FHIT: variants seen among roughly 807,000 people sequenced by gnomAD.
The protein encoded by FHIT is fragile histidine triad diadenosine triphosphatase.
A neutral mutation model predicts 17.9 loss-of-function variants in FHIT; 19 were observed. The ratio of observed to expected loss-of-function variants is 1.06; its 90% CI spans 0.74 to 1.56. The LOEUF is 1.56. Among genes scored for constraint, FHIT ranks in the 40% most tolerant of loss-of-function variants. The pLI is 0.00. For missense variants in FHIT, 248 were observed against 189.2 expected, an observed-to-expected ratio of 1.31 and a Z score of -1.82; for synonymous variants, 81 against 69.7, an observed-to-expected ratio of 1.16 and a Z score of -0.81.
At chr3:60,244,923 T>C (rs1180120918) in intron 5 of FHIT, among the ~76,000 whole-genome samples, 1 of 152,076 alleles carries the variant, frequency 6.6e-6, no homozygotes, top group Non-Finnish European at 1.5e-5. Context: ...AAAAACTGTA[T>C]CATAAAAAAT....
intron 1 of FHIT, among the ~76,000 whole-genome samples, chr3:61,245,131 G>A (rs1054435990): frequency 5.9e-5 from 9 of 152,150 alleles, no homozygotes; most frequent in African/African-American, 1.9e-4. Context: ...GATAAACAAG[G>A]AAACAGAGCA....
intron 4 of FHIT, among the ~76,000 whole-genome samples, chr3:60,708,030 T>G (rs1416885413): frequency 6.6e-6 from 1 of 152,238 alleles, no homozygotes; most frequent in Non-Finnish European, 1.5e-5. Context: ...GTATTATAAA[T>G]AATGCTCCAG....
intron 5 of FHIT, among the ~76,000 whole-genome samples, chr3:60,225,412 G>A (rs555010404): frequency 4.3e-4 from 66 of 152,312 alleles, no homozygotes; most frequent in African/African-American, 1.5e-3. Flanking sequence ...AGAAGACAGA[G>A]TATCTGTACC....
chr3:60,155,355 C>T (rs1700636476), intron 5 of FHIT, among the ~76,000 whole-genome samples: 1 of 152,114 alleles, frequency 6.6e-6, no homozygotes, highest in Non-Finnish European at 1.5e-5. Context: ...AGATCCTGAA[C>T]CAAACACAGC....
At chr3:60,914,230 A>ATT (rs1223001150) in intron 3 of FHIT, among the ~76,000 whole-genome samples, 2 of 152,202 alleles carry the variant, frequency 1.3e-5, no homozygotes, top group Non-Finnish European at 2.9e-5. Flanking sequence ...TTAAGACATG[A>ATT]TATCTCCCAT....
At chr3:60,340,521 G>C (rs2106897194) in intron 5 of FHIT, among the ~76,000 whole-genome samples, 1 of 152,250 alleles carries the variant, frequency 6.6e-6, no homozygotes, top group South Asian at 2.1e-4. Flanking sequence ...GGGAGGACTT[G>C]AACTTCAGAC....
chr3:61,035,615 G>A (rs965697391), intron 3 of FHIT, among the ~76,000 whole-genome samples: 91 of 152,150 alleles, frequency 6.0e-4, no homozygotes, highest in African/African-American at 2.1e-3. Context: ...TGGTAATCTC[G>A]GGAGAAATTA....
chr3:60,041,243 C>T (rs368689167), intron 5 of FHIT, among the ~76,000 whole-genome samples: 15 of 152,312 alleles, frequency 9.8e-5, no homozygotes, highest in African/African-American at 3.6e-4. Flanking sequence ...CTCTCACTTG[C>T]ACAGGGGGCA....
At chr3:60,724,608 T>C (rs1553708845) in intron 4 of FHIT, among the ~76,000 whole-genome samples, 1 of 151,918 alleles carries the variant, frequency 6.6e-6, no homozygotes, top group Non-Finnish European at 1.5e-5. Flanking sequence ...AGAGTTCTAA[T>C]TTCTCCACAT....
intron 5 of FHIT, among the ~76,000 whole-genome samples, chr3:60,310,980 T>C (rs562734339): frequency 9.2e-5 from 14 of 152,172 alleles, no homozygotes; most frequent in African/African-American, 3.1e-4. Flanking sequence ...AAACTAAAGA[T>C]ATTCTTTTCC....
intron 5 of FHIT, among the ~76,000 whole-genome samples, chr3:60,384,704 C>G (rs566522554): frequency 4.2e-4 from 59 of 140,270 alleles, no homozygotes; most frequent in African/African-American, 1.5e-3. Flanking sequence ...ATTACAAAAT[C>G]TTAAAACAAC....
chr3:60,090,513 A>G (rs571598722), intron 5 of FHIT, among the ~76,000 whole-genome samples: 11 of 152,326 alleles, frequency 7.2e-5, no homozygotes, highest in Admixed American at 7.2e-4. Context: ...AGAAAAAGTA[A>G]TCACCTTTGA....
At chr3:61,124,587 A>C (rs996567370) in intron 2 of FHIT, among the ~76,000 whole-genome samples, 1 of 152,196 alleles carries the variant, frequency 6.6e-6, no homozygotes, top group African/African-American at 2.4e-5. Context: ...AAAAATAAGT[A>C]CAAGCTAGCT....
intron 7 of FHIT, among the ~76,000 whole-genome samples, chr3:59,987,005 TAAAAAATA>T (rs1347357094): frequency 8.0e-6 from 1 of 124,986 alleles, no homozygotes; most frequent in African/African-American, 3.0e-5. Context: ...TTATATATAT[TAAAAAATA>T]AAAAAATAAA....
At position 60,417,622 on chromosome 3, in the gene FHIT, T is replaced by A. The variant is rs1431451174; in HGVS notation, c.103+119238A>T. Among the ~76,000 whole-genome samples the A allele has an allele frequency of 4.6e-5, 7 of 152,118 alleles. No homozygotes were observed. The East Asian group carries it at 1.4e-3, about 29-fold the overall frequency. The stretch of plus-strand genomic sequence containing the variant: ...GTGTTTTTATACTGAATGTCATCAT[T>A]CTCAATGATCAGGAGGCAGATGACA... On this transcript the variant is annotated intron_variant, in intron 5 of 9. Transcript: ENST00000492590.
rs200934161 is a variant in FHIT at position 60,226,493 on chromosome 3, A to AAAAAAAAAAAC, written c.104-212342_104-212341insGTTTTTTTTTT. On this transcript the variant is annotated intron_variant, in intron 5 of 9. Coordinates refer to ENST00000492590, the MANE Select transcript of FHIT (RefSeq NM_002012.4). Reference sequence around the variant, plus strand: ...GTCTCAAAAAAAAAAAAAAAAAAAAAACACTGCCTGCCTGCACTATACTAA... The same window carrying AAAAAAAAAAAC: ...GTCTCAAAAAAAAAAAAAAAAAAAAAAAAAAAAAAACACACTGCCTGCCTGCACTATACTAA... Among the ~76,000 whole-genome samples, 85 of 147,118 alleles carry AAAAAAAAAAAC rather than the reference A, an allele frequency of 5.8e-4. 3 individuals carry two copies. Among genetic ancestry groups the AAAAAAAAAAAC allele is most frequent in the African/African-American group, 1.9e-3 (70 of 37,756 alleles).
intron 4 of FHIT, among the ~76,000 whole-genome samples, chr3:60,547,201 G>T (rs568311659): frequency 3.3e-5 from 5 of 152,108 alleles, no homozygotes. Flanking sequence ...ATAAAGACTA[G>T]ATGTACCAAT....
intron 5 of FHIT, among the ~76,000 whole-genome samples, chr3:60,166,886 T>C (rs1701200768): frequency 6.6e-6 from 1 of 152,170 alleles, no homozygotes; most frequent in Non-Finnish European, 1.5e-5. Context: ...AGCAAGGGCC[T>C]TCAGAAACTA....
At chr3:60,253,118 C>A (rs1422455359) in intron 5 of FHIT, among the ~76,000 whole-genome samples, 1 of 152,140 alleles carries the variant, frequency 6.6e-6, no homozygotes, top group African/African-American at 2.4e-5. Context: ...CTGAAGTATT[C>A]ATTGCTACTT....
Sources: gnomAD v4.1 joint callset for allele counts (sites outside exome capture counted in the v4.1 genomes callset) on GRCh38, gnomAD v4.1.1 for gene constraint, MANE v1.5 for transcripts, NCBI Gene and HGNC (gene_info 2026-07-23, HGNC 2026-07-21) for gene names.